The following ALMS1 variants were observed in gnomAD, a reference collection of about 807,000 sequenced individuals.
ALMS1 encodes centrosome-associated protein ALMS1.
In ALMS1, 271 loss-of-function variants were observed where a neutral mutation model predicts 352.2. That is an observed-to-expected ratio of 0.77 (90% CI 0.70 to 0.85). The LOEUF (loss-of-function observed/expected upper bound fraction) is 0.85, where lower values mean the gene tolerates loss of function less well. Ranked by LOEUF, ALMS1 falls within the 40% of genes least tolerant of loss-of-function variation. The pLI is 0.00. For synonymous variants in ALMS1, 1,865 were observed against 1,761.2 expected, an observed-to-expected ratio of 1.06 and a Z score of -1.48; for missense variants, 5,445 against 4,870.7, an observed-to-expected ratio of 1.12 and a Z score of -3.51.
At chr2:73,558,831 A>G in intron 14 of ALMS1, 141 bp from the exon 15 acceptor site, 2 of 915,922 alleles carry the variant, frequency 2.2e-6, no homozygotes, top group Admixed American at 2.5e-5. Flanking sequence ...ATTTTCAATT[A>G]TTTTCTAAAC....
At chr2:73,471,430 A>C (rs1672465384) in intron 9 of ALMS1, among the ~76,000 whole-genome samples, 1 of 147,670 alleles carries the variant, frequency 6.8e-6, no homozygotes, top group South Asian at 2.1e-4. Context: ...AATATTTGCA[A>C]ACCATGTATC....
At chr2:73,414,338 A>G (rs986738151) in intron 2 of ALMS1, among the ~76,000 whole-genome samples, 1 of 151,104 alleles carries the variant, frequency 6.6e-6, no homozygotes, top group African/African-American at 2.4e-5. Flanking sequence ...CTTGTGTCCT[A>G]TTACCTTGCT....
Position 73,386,087 on chromosome 2 carries a change from C to G in ALMS1, c.219C>G (p.Asp73Glu), listed in dbSNP as rs905373886. ...TGGAAAGTATAGACGACGAGGAGGA[C>G]GAGGAGGCCAAGGCCTGGCTGCAGG... Reference protein sequence around the residue: ...QHLESIDDEEDEEAKAWLQAH... With the variant: ...QHLESIDDEEEEEAKAWLQAH... Residue 73 changes from aspartate (D) to glutamate (E), a missense_variant, in exon 1 of 23, where the codon GAC becomes GAG. Transcript: ENST00000613296. 6 of 1,596,290 alleles carry G rather than the reference C, an allele frequency of 3.8e-6. No homozygotes were observed. In the African/African-American group the frequency reaches 8.1e-5, roughly 21 times the overall value.
chr2:73,406,204 T>C (rs2103669607), intron 1 of ALMS1, among the ~76,000 whole-genome samples: 1 of 152,330 alleles, frequency 6.6e-6, no homozygotes, highest in South Asian at 2.1e-4. Context: ...ACATATATAA[T>C]TATTATATCT....
At chr2:73,581,459 A>G (rs1675176260) in intron 16 of ALMS1, among the ~76,000 whole-genome samples, 1 of 152,206 alleles carries the variant, frequency 6.6e-6, no homozygotes, top group Admixed American at 6.5e-5. Context: ...TAAGACCACC[A>G]TGCTGGGTAA....
At chr2:73,531,777 A>G (rs545963449) in intron 11 of ALMS1, among the ~76,000 whole-genome samples, 2 of 152,242 alleles carry the variant, frequency 1.3e-5, no homozygotes, top group Non-Finnish European at 2.9e-5. Flanking sequence ...GAAACTTACA[A>G]TCATGGCGGA....
chr2:73,559,335 C>T lies in ALMS1; in HGVS notation c.10384+193C>T, dbSNP rs543277267. Among the ~76,000 whole-genome samples the T allele has an allele frequency of 1.2e-4, 18 of 151,010 alleles. No individual in the cohort carries two copies. The East Asian group carries it at 2.3e-3, about 20-fold the overall frequency. Reference sequence around the variant, plus strand: ...GTTACTATATATATATATAGATTTCCAAAAAGTAATTGTTACTTTTTGGAA... The same window carrying T: ...GTTACTATATATATATATAGATTTCTAAAAAGTAATTGTTACTTTTTGGAA... On this transcript the variant is annotated intron_variant, in intron 15 of 22. Coordinates refer to ENST00000613296, the MANE Select transcript of ALMS1 (RefSeq NM_001378454.1).
At chr2:73,606,416 AC>A (rs1295301517) in intron 21 of ALMS1, among the ~76,000 whole-genome samples, 2 of 152,190 alleles carry the variant, frequency 1.3e-5, no homozygotes, top group East Asian at 3.8e-4. Context: ...TGGGGCAGCT[AC>A]TAATACTCTC....
chr2:73,399,128 G>C (rs1396235030), intron 1 of ALMS1, among the ~76,000 whole-genome samples: 3 of 152,198 alleles, frequency 2.0e-5, no homozygotes, highest in Non-Finnish European at 4.4e-5. Context: ...TGGGATTACA[G>C]GCGTGAGCCA....
Position 73,451,700 on chromosome 2 carries a change from G to T in ALMS1, c.5173G>T (p.Ala1725Ser), listed in dbSNP as rs763052163. 14 of 1,613,804 alleles carry T rather than the reference G, an allele frequency of 8.7e-6. No individual in the cohort carries two copies. Among genetic ancestry groups the T allele is most frequent in the Non-Finnish European group, 1.2e-5 (14 of 1,179,958 alleles). ...GAAGCCCATTGTCTTCTACCAACAG[G>T]CCCTGCCAGACAGTGAGCTAACTCA... ...REKPIVFYQQALPDSELTQEA... is the reference protein window; with the variant it reads ...REKPIVFYQQSLPDSELTQEA... The change falls in exon 8 of 23, where the codon GCC (alanine) becomes TCC (serine). Residue 1725 changes from alanine (A) to serine (S), a missense_variant. By Grantham distance (99) the Ala-to-Ser change is moderately conservative. Transcript: ENST00000613296.
chr2:73,426,345 A>G (rs1671378047), intron 5 of ALMS1, 108 bp from the exon 6 acceptor site: 2 of 1,057,958 alleles, frequency 1.9e-6, no homozygotes, highest in Non-Finnish European at 3.0e-6. Context: ...GTCGCCCAAG[A>G]GACATTGCTG....
chr2:73,427,664 T>C (rs1028247683), intron 6 of ALMS1, among the ~76,000 whole-genome samples: 1 of 152,106 alleles, frequency 6.6e-6, no homozygotes, highest in African/African-American at 2.4e-5. Context: ...CGGGCCCTGG[T>C]GTGTGATGTT....
At position 73,609,605 on chromosome 2, in the gene ALMS1, G is replaced by A. The variant is rs920841657; in HGVS notation, c.12500G>A (p.Trp4167Ter). 1.2e-6 allele frequency: 2 copies of A among 1,613,982 alleles called. No homozygotes were observed. Among genetic ancestry groups the A allele is most frequent in the African/African-American group, 2.7e-5 (2 of 75,026 alleles). The change falls in exon 23 of 23, where the codon TGG (tryptophan) becomes TAG (stop). Residue 4167 changes from tryptophan to a stop codon, truncating the protein, a stop_gained. Coordinates refer to ENST00000613296, the MANE Select transcript of ALMS1 (RefSeq NM_001378454.1). LOFTEE classifies it high-confidence loss of function. ...CAACTTCTGGGGAGAAAAGTTCCCT[G>A]GGACTGACACAAGTTTATTTTCCTC... ...TNQLLGRKVP[W>*]D
chr2:73,441,001 C>T (rs538893507), intron 7 of ALMS1, among the ~76,000 whole-genome samples: 1 of 152,214 alleles, frequency 6.6e-6, no homozygotes, highest in African/African-American at 2.4e-5. Flanking sequence ...GTTGGTGATG[C>T]TTATGTGGGT....
chr2:73,407,762 T>G (rs1670999719), intron 1 of ALMS1, among the ~76,000 whole-genome samples: 1 of 152,170 alleles, frequency 6.6e-6, no homozygotes, highest in South Asian at 2.1e-4. Flanking sequence ...TTTGCTATGT[T>G]GGCCAGGCTG....
chr2:73,429,877 GA>G (rs1381420667), intron 6 of ALMS1, among the ~76,000 whole-genome samples: 1 of 151,964 alleles, frequency 6.6e-6, no homozygotes, highest in Non-Finnish European at 1.5e-5. Context: ...GAGTTTTTAT[GA>G]AAGGTATTAG....
intron 21 of ALMS1, 31 bp downstream of exon 21, chr2:73,603,335 A>T: frequency 6.2e-7 from 1 of 1,608,164 alleles, no homozygotes; most frequent in African/African-American, 1.4e-5. Context: ...GTACGTATAC[A>T]AGTGTAAACC....
rs1292834469 is a variant in ALMS1, at chr2:73,448,191, C to T, written c.1664C>T (p.Thr555Ile). ...THLTEETLKVTAIPEPADQKT... is the reference protein window; with the variant it reads ...THLTEETLKVIAIPEPADQKT... ...CTAACTGAAGAGACTCTGAAAGTCA[C>T]AGCTATTCCTGAACCAGCTGACCAG... Residue 555 changes from threonine (T) to isoleucine (I), a missense_variant, in exon 8 of 23, where the codon ACA becomes ATA. By Grantham distance (89) the Thr-to-Ile change is moderately conservative. Coordinates refer to ENST00000613296, the MANE Select transcript of ALMS1 (RefSeq NM_001378454.1). 1.2e-6 allele frequency: 2 copies of T among 1,613,932 alleles called. No individual in the cohort carries two copies. The highest frequency in any genetic ancestry group is 1.7e-5 in the Admixed American group (1 of 59,970).
intron 9 of ALMS1, among the ~76,000 whole-genome samples, chr2:73,460,554 C>T (rs908285197): frequency 6.6e-6 from 1 of 152,166 alleles, no homozygotes; most frequent in African/African-American, 2.4e-5. Flanking sequence ...ATCTGAGGTA[C>T]CGGGTTCATC....
Sources: gnomAD v4.1 joint callset for allele counts (sites outside exome capture counted in the v4.1 genomes callset) on GRCh38, gnomAD v4.1.1 for gene constraint, MANE v1.5 for transcripts, NCBI Gene and HGNC (gene_info 2026-07-23, HGNC 2026-07-21) for gene names.